The following KIAA1549L variants were observed in gnomAD, a reference collection of about 807,000 sequenced individuals.
The protein encoded by KIAA1549L is KIAA1549 like.
KIAA1549L carries 88 observed loss-of-function variants against 160.7 expected under a neutral mutation model. That is an observed-to-expected ratio of 0.55 (90% confidence interval 0.46 to 0.65). The LOEUF (loss-of-function observed/expected upper bound fraction) is 0.65, where lower values mean the gene tolerates loss of function less well. Ranked by LOEUF, KIAA1549L falls within the 30% of genes least tolerant of loss-of-function variation. KIAA1549L has a pLI of 0.00. For missense variants in KIAA1549L, 2,258 were observed against 2,437.5 expected (o/e 0.93, Z 1.55); for synonymous variants, 950 against 976.7 (o/e 0.97, Z 0.51).
At chr11:33,410,927 T>TA (rs1388082765) in intron 1 of KIAA1549L, among the ~76,000 whole-genome samples, 1 of 152,134 alleles carries the variant, frequency 6.6e-6, no homozygotes, top group Non-Finnish European at 1.5e-5. Flanking sequence ...CTCTGGGAAA[T>TA]ACTGCAAAGA....
intron 9 of KIAA1549L, among the ~76,000 whole-genome samples, chr11:33,570,489 A>G (rs1434553288): frequency 1.3e-5 from 2 of 152,164 alleles, no homozygotes; most frequent in East Asian, 1.9e-4. Flanking sequence ...GAGAGAAACT[A>G]TTAGATATTT....
chr11:33,652,325 A>ATCCT (rs1421013526), intron 17 of KIAA1549L, among the ~76,000 whole-genome samples: 1 of 152,040 alleles, frequency 6.6e-6, no homozygotes, highest in Non-Finnish European at 1.5e-5. Context: ...CTGGGGGAGG[A>ATCCT]TTCCTTCAAC....
intron 1 of KIAA1549L, among the ~76,000 whole-genome samples, chr11:33,406,879 A>G (rs1042462233): frequency 3.9e-5 from 6 of 152,154 alleles, no homozygotes; most frequent in African/African-American, 1.4e-4. Flanking sequence ...CTTAAGACCT[A>G]CTTAGATTGG....
chr11:33,422,278 G>A (rs1333207331), intron 1 of KIAA1549L, among the ~76,000 whole-genome samples: 3 of 152,174 alleles, frequency 2.0e-5, no homozygotes, highest in African/African-American at 7.2e-5. Context: ...AGGCACACAT[G>A]TGATAAAACA....
intron 11 of KIAA1549L, among the ~76,000 whole-genome samples, chr11:33,584,804 A>G (rs995329202): frequency 6.6e-6 from 1 of 152,162 alleles, no homozygotes. Flanking sequence ...TTTCGCCATT[A>G]TACACCTACC....
intron 1 of KIAA1549L, chr11:33,450,759 G>C (rs563204926): frequency 6.6e-6 from 1 of 152,344 alleles, no homozygotes; most frequent in African/African-American, 2.4e-5. Flanking sequence ...CCCAGAGGGG[G>C]TTCCTAAACT....
chr11:33,543,842 A>AAGATACTGCTGGGC lies in KIAA1549L; in HGVS notation c.2281_2294dup (p.His765GlnfsTer8), dbSNP rs1565177121. On this transcript the variant is annotated frameshift_variant, in exon 2 of 21. Coordinates refer to ENST00000658780, the MANE Select transcript of KIAA1549L (RefSeq NM_012194.3). LOFTEE classifies it high-confidence loss of function. ...GATGCCATAAAATCTCAGGATTTCA[A>AAGATACTGCTGGGC]AGATACTGCTGGGCATTCAGTGACT... 6.2e-7 allele frequency: 1 copy of AAGATACTGCTGGGC among 1,614,054 alleles called. No individual in the cohort carries two copies. The highest frequency in any genetic ancestry group is 1.1e-5 in the South Asian group (1 of 91,090).
At chr11:33,575,105 T>C (rs1200680475) in intron 10 of KIAA1549L, among the ~76,000 whole-genome samples, 3 of 152,232 alleles carry the variant, frequency 2.0e-5, no homozygotes, top group African/African-American at 7.2e-5. Context: ...CTACCCACCC[T>C]TCTTCCTCAG....
At chr11:33,577,281 GT>G (rs1855482763) in intron 10 of KIAA1549L, among the ~76,000 whole-genome samples, 1 of 152,242 alleles carries the variant, frequency 6.6e-6, no homozygotes, top group Non-Finnish European at 1.5e-5. Context: ...TGGGGAAGCA[GT>G]GACAGCAAAA....
At chr11:33,481,613 C>T (rs1417276912) in intron 1 of KIAA1549L, among the ~76,000 whole-genome samples, 1 of 152,148 alleles carries the variant, frequency 6.6e-6, no homozygotes, top group African/African-American at 2.4e-5. Context: ...GGAATATATA[C>T]CAGCCCAGGG....
chr11:33,625,395 T>C (rs1002666868), intron 16 of KIAA1549L, among the ~76,000 whole-genome samples: 21 of 152,354 alleles, frequency 1.4e-4, no homozygotes, highest in East Asian at 5.8e-4. Flanking sequence ...AGTGTTCCTA[T>C]TTCTCCATAT....
intron 1 of KIAA1549L, among the ~76,000 whole-genome samples, chr11:33,515,704 C>T (rs1229990859): frequency 6.6e-6 from 1 of 152,218 alleles, no homozygotes; most frequent in Non-Finnish European, 1.5e-5. Context: ...TCCTGCTGAT[C>T]TTTTCCTCTT....
intron 1 of KIAA1549L, among the ~76,000 whole-genome samples, chr11:33,460,155 A>G (rs1851913849): frequency 1.3e-5 from 2 of 152,200 alleles, no homozygotes; most frequent in Non-Finnish European, 2.9e-5. Context: ...GGACAGGGCC[A>G]CCTGTATCTC....
intron 1 of KIAA1549L, among the ~76,000 whole-genome samples, chr11:33,506,690 C>G (rs146798252): frequency 6.9e-6 from 1 of 144,042 alleles, no homozygotes; most frequent in East Asian, 2.0e-4. Flanking sequence ...CACTCTAGCC[C>G]GGGTGACAGA....
At chr11:33,575,012 T>C (rs1392877266) in intron 10 of KIAA1549L, 139 bp downstream of exon 10, 2 of 724,608 alleles carry the variant, frequency 2.8e-6, no homozygotes, top group African/African-American at 1.8e-5. Context: ...ATCAATCAGC[T>C]ATGTTTCTGT....
At chr11:33,429,467 T>G (rs1462428498) in intron 1 of KIAA1549L, among the ~76,000 whole-genome samples, 1 of 152,154 alleles carries the variant, frequency 6.6e-6, no homozygotes, top group Non-Finnish European at 1.5e-5. Context: ...CTTATCGAGG[T>G]CACCAGTGAC....
At chr11:33,535,141 G>A (rs964588284) in intron 1 of KIAA1549L, among the ~76,000 whole-genome samples, 1 of 152,008 alleles carries the variant, frequency 6.6e-6, no homozygotes, top group Non-Finnish European at 1.5e-5. Context: ...TTTCTTTGTG[G>A]CTGCCAGACT....
At chr11:33,430,055 C>CTT (rs1565133003) in intron 1 of KIAA1549L, among the ~76,000 whole-genome samples, 2 of 137,514 alleles carry the variant, frequency 1.5e-5, no homozygotes, top group African/African-American at 2.7e-5. Context: ...TCCTCCCTTC[C>CTT]CTCTCTCCTC....
chr11:33,455,790 G>A (rs940309941), intron 1 of KIAA1549L, among the ~76,000 whole-genome samples: 10 of 152,118 alleles, frequency 6.6e-5, no homozygotes, highest in Non-Finnish European at 1.3e-4. Flanking sequence ...AATAATTGAA[G>A]TACTTATCTG....
Sources: allele counts gnomAD v4.1 joint callset (sites outside exome capture counted in the v4.1 genomes callset), GRCh38; gene constraint gnomAD v4.1.1; transcripts MANE v1.5; gene names NCBI Gene and HGNC (gene_info 2026-07-23, HGNC 2026-07-21).